Variants in MAP3K2 observed in about 807,000 individuals in gnomAD.
MAP3K2 encodes mitogen-activated protein kinase kinase kinase 2.
A neutral mutation model predicts 80.3 loss-of-function variants in MAP3K2; 24 were observed. The ratio of observed to expected loss-of-function variants is 0.30; its 90% CI spans 0.22 to 0.42. The LOEUF (loss-of-function observed/expected upper bound fraction) is 0.42. Ranked by LOEUF, MAP3K2 falls within the 10% of genes least tolerant of loss-of-function variation. The pLI is 1.00. For missense variants in MAP3K2, 608 were observed against 750.1 expected, an observed-to-expected ratio of 0.81 and a Z score of 2.21; for synonymous variants, 244 against 253.7, an observed-to-expected ratio of 0.96 and a Z score of 0.36.
chr2:127,374,051 C>T (rs1687110535), intron 1 of MAP3K2, among the ~76,000 whole-genome samples: 2 of 152,168 alleles, frequency 1.3e-5, no homozygotes, highest in Admixed American at 6.5e-5. Context: ...TTACTAATGG[C>T]TCTGGTAAAC....
At chr2:127,384,987 A>G (rs76859787) in intron 1 of MAP3K2, among the ~76,000 whole-genome samples, 1,815 of 152,322 alleles carry the variant, frequency 0.012, 37 homozygotes, top group African/African-American at 0.042. Flanking sequence ...GATGATGTGA[A>G]TATTATTGAA....
intron 1 of MAP3K2, among the ~76,000 whole-genome samples, chr2:127,349,243 C>T (rs1455253015): frequency 6.6e-6 from 1 of 151,996 alleles, no homozygotes; most frequent in Non-Finnish European, 1.5e-5. Flanking sequence ...CTGCGGCAGC[C>T]TCAACTTCCC....
intron 11 of MAP3K2, 32 bp downstream of exon 11, chr2:127,323,870 C>A: frequency 9.3e-7 from 1 of 1,069,904 alleles, no homozygotes; most frequent in Non-Finnish European, 1.3e-6. Flanking sequence ...GATTTTTTAA[C>A]TATTCTTGTG....
Position 127,310,997 on chromosome 2 carries a change from G to A in MAP3K2, c.1457-2235C>T, listed in dbSNP as rs965944569. Among the ~76,000 whole-genome samples the A allele has an allele frequency of 2.6e-5, 4 of 151,488 alleles. No individual in the cohort carries two copies. Among genetic ancestry groups the A allele is most frequent in the South Asian group, 2.1e-4 (1 of 4,798 alleles). On this transcript the variant is annotated intron_variant, in intron 15 of 16. Transcript: ENST00000682094. The surrounding 1 kb of genome is among the most constrained non-coding windows in gnomAD (Gnocchi z 4.8). ...TTCTCTTACCCTTTTCTTAAAAAACGGTCTCTAAGAAGGAGACTGAATAGT... is the reference window on the plus strand; with the variant it reads ...TTCTCTTACCCTTTTCTTAAAAAACAGTCTCTAAGAAGGAGACTGAATAGT...
chr2:127,308,463 C>A, intron 16 of MAP3K2, 122 bp downstream of exon 16: 1 of 846,770 alleles, frequency 1.2e-6, no homozygotes, highest in Admixed American at 2.5e-5. Context: ...TTAATCTTCG[C>A]AATTCTTACG....
rs763804252 is a variant in MAP3K2 at position 127,330,444 on chromosome 2, C to T, written c.326G>A (p.Ser109Asn). ...LDKAVELLDR[S>N]IHMKSLKILL... ...TATCTTGAGGCTCTTCATATGAATA[C>T]TACGATCCAGCAGTTCCACAGCTTT... Residue 109 changes from serine (S) to asparagine (N), a missense_variant, in exon 6 of 17, where the codon AGT (serine) becomes AAT (asparagine). By Grantham distance (46) the Ser-to-Asn change is conservative. This residue lies in a region of MAP3K2 where 467 missense variants were observed against 521.9 expected (regional missense o/e 0.89). Transcript: ENST00000682094. The T allele has an allele frequency of 2.5e-6, 4 of 1,610,256 alleles. No homozygotes were observed. In the African/African-American group the frequency reaches 4.0e-5, roughly 16 times the overall value.
intron 1 of MAP3K2, among the ~76,000 whole-genome samples, chr2:127,380,507 T>C (rs1301905304): frequency 6.6e-6 from 1 of 152,208 alleles, no homozygotes; most frequent in Non-Finnish European, 1.5e-5. Flanking sequence ...CAAATAATTG[T>C]TGACCACTTG....
At chr2:127,326,515 A>AG (rs1686144469) in intron 8 of MAP3K2, among the ~76,000 whole-genome samples, 172 bp downstream of exon 8, 1 of 152,162 alleles carries the variant, frequency 6.6e-6, no homozygotes, top group Admixed American at 6.5e-5. Context: ...TTCTTTATAC[A>AG]GGCACATGTA....
Position 127,326,678 on chromosome 2 carries a change from T to C in MAP3K2, c.597+9A>G. The C allele has an allele frequency of 6.5e-7, 1 of 1,546,676 alleles. No individual in the cohort carries two copies. Among genetic ancestry groups the C allele is most frequent in the East Asian group, 2.3e-5 (1 of 43,142 alleles). On this transcript the variant is annotated intron_variant, in intron 8 of 16. Coordinates refer to ENST00000682094, the MANE Select transcript of MAP3K2 (RefSeq NM_001371910.2). ...TAAATTAAATTTAAAAAATCAAACT[T>C]TTGCTTACTTGGTCCATGCTCTCTG...
intron 1 of MAP3K2, 110 bp downstream of exon 1, chr2:127,387,342 G>A (rs1285842886): frequency 6.7e-6 from 2 of 296,822 alleles, no homozygotes; most frequent in Non-Finnish European, 9.9e-6. Flanking sequence ...GCGGCGCTTA[G>A]GCCGCCGCCA....
chr2:127,386,364 CA>C (rs997529311), intron 1 of MAP3K2, among the ~76,000 whole-genome samples: 17 of 152,126 alleles, frequency 1.1e-4, no homozygotes, highest in Non-Finnish European at 2.1e-4. Flanking sequence ...AGAATCACAC[CA>C]TCAAACTTCC....
intron 1 of MAP3K2, among the ~76,000 whole-genome samples, chr2:127,350,084 T>C (rs1429035129): frequency 6.6e-6 from 1 of 152,062 alleles, no homozygotes; most frequent in African/African-American, 2.4e-5. Flanking sequence ...CAATCCCCAC[T>C]GTACGGCTGA....
intron 2 of MAP3K2, among the ~76,000 whole-genome samples, chr2:127,342,726 A>C (rs920563596): frequency 6.6e-6 from 1 of 152,196 alleles, no homozygotes; most frequent in Non-Finnish European, 1.5e-5. Flanking sequence ...ATCCATTCCC[A>C]TACTTTAGTG....
chr2:127,354,176 C>T (rs1347478940), intron 1 of MAP3K2, among the ~76,000 whole-genome samples: 3 of 148,974 alleles, frequency 2.0e-5, no homozygotes, highest in Admixed American at 1.4e-4. Flanking sequence ...CTGACCTTCC[C>T]TCCACTATTG....
chr2:127,383,633 T>C (rs1251235086), intron 1 of MAP3K2, among the ~76,000 whole-genome samples: 1 of 152,162 alleles, frequency 6.6e-6, no homozygotes, highest in Non-Finnish European at 1.5e-5. Flanking sequence ...ATAGGGTATT[T>C]TGACTTTTCC....
At chr2:127,375,414 A>T (rs201988467) in intron 1 of MAP3K2, among the ~76,000 whole-genome samples, 17,263 of 122,722 alleles carry the variant, frequency 0.14, 1,110 homozygotes, top group South Asian at 0.28. Context: ...TTATTTATTT[A>T]TTTATTTTTT....
rs1415194695 is a variant in MAP3K2 at position 127,360,706 on chromosome 2, T to A, written c.-65-17512A>T. ...CACAAATCTCATTACTCTGCAGACA[T>A]CTTTGCTTTTGATTTTTAAAAAATA... is the stretch of plus-strand genomic sequence containing the variant. On this transcript the variant is annotated intron_variant, in intron 1 of 16. Transcript: ENST00000682094. Among the ~76,000 whole-genome samples the A allele has an allele frequency of 4.6e-5, 7 of 152,350 alleles. No individual in the cohort carries two copies. In the East Asian group the frequency reaches 1.3e-3, roughly 29 times the overall value.
intron 15 of MAP3K2, among the ~76,000 whole-genome samples, chr2:127,309,973 T>TA (rs764295256): frequency 6.6e-6 from 1 of 152,148 alleles, no homozygotes; most frequent in Non-Finnish European, 1.5e-5. Flanking sequence ...AGTAAAGAGT[T>TA]ATGCTCCAGG....
At chr2:127,313,733 C>T (rs1685850854) in intron 15 of MAP3K2, among the ~76,000 whole-genome samples, 1 of 152,182 alleles carries the variant, frequency 6.6e-6, no homozygotes, top group African/African-American at 2.4e-5. Flanking sequence ...AGTGTATTTA[C>T]ACAAACCTAA....
Sources: gnomAD v4.1 joint callset for allele counts (sites outside exome capture counted in the v4.1 genomes callset) on GRCh38, gnomAD v4.1.1 for gene constraint, gnomAD v4.1.1 regional missense constraint, Gnocchi (gnomAD v3.1) non-coding constraint, MANE v1.5 for transcripts, NCBI Gene and HGNC (gene_info 2026-07-23, HGNC 2026-07-21) for gene names.